The following LSP1 variants were observed in gnomAD, a reference collection of about 807,000 sequenced individuals.
LSP1 encodes lymphocyte specific protein 1, also known as lymphocyte-specific protein 1.
A neutral mutation model predicts 49.3 loss-of-function variants in LSP1; 32 were observed. That is an observed-to-expected ratio of 0.65 (90% confidence interval 0.49 to 0.87). LSP1 has a LOEUF of 0.87. Among genes scored for constraint, LSP1 ranks in the 40% least tolerant of loss-of-function variants. The pLI, the probability that LSP1 is intolerant of heterozygous loss-of-function variation, is 0.00. For synonymous variants in LSP1, 179 were observed against 178.8 expected (o/e 1.00, Z -0.01); for missense variants, 428 against 442.6 (o/e 0.97, Z 0.30).
chr11:1,884,136 T>G lies in LSP1; in HGVS notation c.591+112T>G, dbSNP rs1292351677. ...ACCAGGCCCAGGCCTGGCTTTTGTC[T>G]GCTATCCCCCCATTGCCCGGTGCTC... On this transcript the variant is annotated intron_variant, in intron 5 of 10. Coordinates refer to ENST00000311604, the MANE Select transcript of LSP1 (RefSeq NM_002339.3). The surrounding 1 kb of genome is among the most constrained non-coding windows in gnomAD (Gnocchi z 4.1). 8.3e-6 allele frequency: 12 copies of G among 1,440,250 alleles called. No homozygotes were observed. Among genetic ancestry groups the G allele is most frequent in the Non-Finnish European group, 1.2e-5 (12 of 1,030,610 alleles). 89.2% of individuals were successfully genotyped at this position (1,440,250 alleles called of 1,614,324 possible). A position where few individuals can be genotyped will look rare whatever the true frequency, so the allele number is the denominator to read the frequency against.
intron 1 of LSP1, among the ~76,000 whole-genome samples, chr11:1,853,433 G>C (rs989535230): frequency 5.3e-5 from 8 of 152,212 alleles, no homozygotes; most frequent in African/African-American, 1.9e-4. Flanking sequence ...CTGTGCCCTG[G>C]ACTCACTGGG....
chr11:1,874,037 A>G (rs184244505), intron 1 of LSP1, among the ~76,000 whole-genome samples: 5,281 of 17,106 alleles, frequency 0.31, 162 homozygotes, highest in Non-Finnish European at 0.38. Context: ...GGAGGCCGGC[A>G]GAGGAGGGAG....
At chr11:1,854,788 G>A (rs944641259) in intron 1 of LSP1, among the ~76,000 whole-genome samples, 2 of 152,204 alleles carry the variant, frequency 1.3e-5, no homozygotes, top group Non-Finnish European at 2.9e-5. Flanking sequence ...CCCCAGCCCT[G>A]GACTAGGTGC....
At chr11:1,868,984 G>A in intron 1 of LSP1, 1 of 986,256 alleles carries the variant, frequency 1.0e-6, no homozygotes, top group Non-Finnish European at 1.2e-6. Flanking sequence ...CGGCTTGGCA[G>A]AGGTCGGTGG....
chr11:1,866,489 G>T (rs968424839), intron 1 of LSP1: 143 of 1,492,968 alleles, frequency 9.6e-5, no homozygotes, highest in Non-Finnish European at 1.2e-4. Flanking sequence ...CTCCGATCTG[G>T]TCCCCACCTG....
intron 7 of LSP1, 34 bp from the exon 8 acceptor site, chr11:1,886,698 C>G (rs942610801): frequency 3.2e-6 from 5 of 1,581,172 alleles, no homozygotes; most frequent in African/African-American, 1.3e-5. Context: ...TGGCTGTCCA[C>G]TAAGGTAATC....
chr11:1,881,912 C>T (rs1848564115), intron 3 of LSP1, among the ~76,000 whole-genome samples: 1 of 152,168 alleles, frequency 6.6e-6, no homozygotes. Context: ...CCCCAGGGCC[C>T]CTGGGCCCCA....
At chr11:1,857,665 G>A (rs1292753246) in intron 1 of LSP1, among the ~76,000 whole-genome samples, 1 of 152,170 alleles carries the variant, frequency 6.6e-6, no homozygotes, top group Non-Finnish European at 1.5e-5. Flanking sequence ...TGAGTAAGCC[G>A]CACCCCTCTG....
chr11:1,872,284 G>A lies in LSP1; in HGVS notation c.54-7803G>A, dbSNP rs572656953. Among the ~76,000 whole-genome samples the A allele has an allele frequency of 2.4e-4, 32 of 131,512 alleles. 5 individuals are homozygous for A. The highest frequency in any genetic ancestry group is 8.3e-4 in the African/African-American group (28 of 33,938). The allele number at this position is 131,512 out of a possible 152,430, so 86.3% of individuals were successfully genotyped here. A position where few individuals can be genotyped will look rare whatever the true frequency, so the allele number is the denominator to read the frequency against. On this transcript the variant is annotated intron_variant, in intron 1 of 10. Coordinates refer to ENST00000311604, the MANE Select transcript of LSP1 (RefSeq NM_002339.3). ...TAGAGTTGGGGTCTGTCCGGCTGGCGTGGGCACCTTTGGGACGGGGTCTCT... is the reference window on the plus strand; with the variant it reads ...TAGAGTTGGGGTCTGTCCGGCTGGCATGGGCACCTTTGGGACGGGGTCTCT...
intron 10 of LSP1, chr11:1,890,230 T>C: frequency 1.4e-6 from 1 of 710,168 alleles, no homozygotes; most frequent in Non-Finnish European, 2.6e-6. Flanking sequence ...TGGTGGATGA[T>C]GGGGGTGTGC....
At chr11:1,889,206 A>C in intron 10 of LSP1, 1 of 674,934 alleles carries the variant, frequency 1.5e-6, no homozygotes, top group Non-Finnish European at 2.7e-6. Flanking sequence ...GCTCAGCTCC[A>C]GGATGGAGCG....
At chr11:1,861,877 A>AGATG (rs1302208786) in intron 1 of LSP1, among the ~76,000 whole-genome samples, 2 of 105,046 alleles carry the variant, frequency 1.9e-5, no homozygotes, top group Non-Finnish European at 4.0e-5. Context: ...GTGGATGGAT[A>AGATG]GATGGATGAA....
intron 1 of LSP1, among the ~76,000 whole-genome samples, chr11:1,874,395 C>T (rs1389779250): frequency 1.3e-5 from 2 of 151,964 alleles, no homozygotes; most frequent in East Asian, 3.9e-4. Context: ...CACCCCTTCC[C>T]GGGAGCGAGA....
At chr11:1,869,030 C>G in intron 1 of LSP1, 1 of 985,904 alleles carries the variant, frequency 1.0e-6, no homozygotes, top group African/African-American at 1.7e-5. Context: ...GGAGGGCAGA[C>G]AGGAGCCACT....
intron 1 of LSP1, chr11:1,869,653 TGGTGCTCCAAAGAC>T (rs139152918): frequency 0.016 from 7,386 of 470,684 alleles, 452 homozygotes; most frequent in African/African-American, 0.13. Context: ...CACAGCTTCT[TGGTGCTCCAAAGAC>T]GGGCGGTAGG....
intron 1 of LSP1, among the ~76,000 whole-genome samples, chr11:1,877,491 G>A (rs1475496292): frequency 6.6e-6 from 1 of 152,180 alleles, no homozygotes; most frequent in African/African-American, 2.4e-5. Flanking sequence ...TCCTCCAGGG[G>A]CCCAGCTCTG....
At chr11:1,882,965 C>A (rs1848606953) in intron 3 of LSP1, among the ~76,000 whole-genome samples, 3 of 152,236 alleles carry the variant, frequency 2.0e-5, no homozygotes, top group South Asian at 4.1e-4. Context: ...CCTGCCTAGC[C>A]CTCCAAATGA....
intron 1 of LSP1, chr11:1,870,117 T>C: frequency 4.0e-6 from 2 of 502,546 alleles, no homozygotes; most frequent in Non-Finnish European, 7.8e-6. Flanking sequence ...TGGTGCTCAC[T>C]GTGCCTCTTT....
chr11:1,883,474 T>C lies in LSP1; in HGVS notation c.412T>C (p.Leu138=), dbSNP rs1223642768. The C allele has an allele frequency of 9.3e-6, 15 of 1,613,472 alleles. No individual in the cohort carries two copies. Among genetic ancestry groups the C allele is most frequent in the Non-Finnish European group, 1.3e-5 (15 of 1,179,886 alleles). The part of the protein sequence containing the change: ...EDSDEVHLEE[L]SLSKEGPGPE... ...CAGTGATGAAGTCCACCTGGAGGAG[T>C]TGAGTCTGAGCAAGGAGGGGCCAGG... is the stretch of plus-strand genomic sequence containing the variant. The change falls in exon 4 of 11, where the codon TTG becomes CTG. Residue 138 remains leucine, a synonymous_variant. Coordinates refer to ENST00000311604, the MANE Select transcript of LSP1 (RefSeq NM_002339.3).
Sources: allele counts gnomAD v4.1 joint callset (sites outside exome capture counted in the v4.1 genomes callset), GRCh38; gene constraint gnomAD v4.1.1; non-coding constraint Gnocchi (gnomAD v3.1); transcripts MANE v1.5; gene names NCBI Gene and HGNC (gene_info 2026-07-23, HGNC 2026-07-21).